DDX39A: variants seen among roughly 807,000 people sequenced by gnomAD.
DDX39A encodes ATP-dependent RNA helicase DDX39A.
DDX39A carries 13 observed loss-of-function variants against 46.3 expected under a neutral mutation model. That is an observed-to-expected ratio of 0.28 (90% CI 0.18 to 0.45). The LOEUF is 0.45. Ranked by LOEUF, DDX39A falls within the 20% of genes least tolerant of loss-of-function variation. DDX39A has a pLI of 1.00. For synonymous variants in DDX39A, 234 were observed against 224.6 expected (o/e 1.04, Z -0.38); for missense variants, 352 against 581.8 (o/e 0.61, Z 4.06).
chr19:14,414,531 C>G (rs935879568), intron 1 of DDX39A, among the ~76,000 whole-genome samples: 1 of 149,386 alleles, frequency 6.7e-6, no homozygotes, highest in Non-Finnish European at 1.5e-5. Flanking sequence ...TTGTAGTTTT[C>G]GTAGAGACAG....
In DDX39A at chr19:14,410,518, C is replaced by T; in HGVS notation, c.614-184G>A. On this transcript the variant is annotated intron_variant, in intron 5 of 10. Coordinates refer to ENST00000242776, the MANE Select transcript of DDX39A (RefSeq NM_005804.4). This position sits in a 1 kb window ranked among gnomAD's most constrained non-coding sequence, Gnocchi z 4.3. ...GGGGCTGGGGGGTGGCCAGCGAGCG[C>T]AGGCGCGGGAGGAGCTGCAATCCAC... 1.6e-6 allele frequency: 1 copy of T among 616,480 alleles called. No individual in the cohort carries two copies. The highest frequency in any genetic ancestry group is 2.9e-6 in the Non-Finnish European group (1 of 343,634). The allele number at this position is 616,480 out of a possible 1,614,324, so 38.2% of individuals were successfully genotyped here.
In DDX39A at chr19:14,408,802, T is replaced by C; in HGVS notation, c.*134A>G. The C allele has an allele frequency of 7.5e-7, 1 of 1,331,250 alleles. No individual in the cohort carries two copies. Among genetic ancestry groups the C allele is most frequent in the Non-Finnish European group, 1.0e-6 (1 of 1,000,652 alleles). The allele number at this position is 1,331,250 out of a possible 1,614,324, so 82.5% of individuals were successfully genotyped here. A position where few individuals can be genotyped will look rare whatever the true frequency, so the allele number is the denominator to read the frequency against. On this transcript the variant is annotated 3_prime_UTR_variant, in exon 11 of 11. Transcript: ENST00000242776. ...AAGGCCAAGATGACCAAGAAATAGATGGGGTGGGAGCCAGGCTTCCATAAT... is the reference window on the plus strand; with the variant it reads ...AAGGCCAAGATGACCAAGAAATAGACGGGGTGGGAGCCAGGCTTCCATAAT...
rs148589157 is a variant in DDX39A, at chr19:14,409,053, G to T, written c.1251C>A (p.Ile417=). Residue 417 remains isoleucine, a synonymous_variant, in exon 10 of 11, where the codon ATC becomes ATA. Transcript: ENST00000242776. The surrounding 1 kb of genome is among the most constrained non-coding windows in gnomAD (Gnocchi z 8.3). ...GGCACTTACTGTATGTGGAGATGTC[G>T]ATTTCCTCTGGAAGTTCTGCCACAT... The part of the protein sequence containing the change: ...EVNVAELPEE[I]DISTYIEQSR 12 of 1,614,070 alleles carry T rather than the reference G, an allele frequency of 7.4e-6. No individual in the cohort carries two copies. Among genetic ancestry groups the T allele is most frequent in the Non-Finnish European group, 9.3e-6 (11 of 1,180,056 alleles).
Position 14,410,513 on chromosome 19 carries a change from G to A in DDX39A, c.614-179C>T, listed in dbSNP as rs1461420165. 6 of 622,510 alleles carry A rather than the reference G, an allele frequency of 9.6e-6. No homozygotes were observed. The highest frequency in any genetic ancestry group is 5.6e-5 in the East Asian group (2 of 35,934). The allele number at this position is 622,510 out of a possible 1,614,324, so 38.6% of individuals were successfully genotyped here. A position where few individuals can be genotyped will look rare whatever the true frequency, so the allele number is the denominator to read the frequency against. On this transcript the variant is annotated intron_variant, in intron 5 of 10. Coordinates refer to ENST00000242776, the MANE Select transcript of DDX39A (RefSeq NM_005804.4). This position sits in a 1 kb window ranked among gnomAD's most constrained non-coding sequence, Gnocchi z 4.3. ...CCTGAGGGGCTGGGGGGTGGCCAGC[G>A]AGCGCAGGCGCGGGAGGAGCTGCAA...
chr19:14,417,399 T>C (rs1473769111), intron 1 of DDX39A, among the ~76,000 whole-genome samples: 1 of 148,326 alleles, frequency 6.7e-6, no homozygotes, highest in Non-Finnish European at 1.5e-5. Context: ...CGTGGGAGGA[T>C]GGCTTGAGCC....
At position 14,412,782 on chromosome 19, in the gene DDX39A, C is replaced by G; in HGVS notation, c.209-104G>C. The stretch of plus-strand genomic sequence containing the variant: ...CACAGTGAGGGCAATCAGAAGAGGC[C>G]GAGTCCGGACAAGGCCACAGACACC... On this transcript the variant is annotated intron_variant, in intron 2 of 10. Transcript: ENST00000242776. The surrounding 1 kb of genome is among the most constrained non-coding windows in gnomAD (Gnocchi z 4.4). 1.4e-6 allele frequency: 2 copies of G among 1,471,114 alleles called. No individual in the cohort carries two copies. The highest frequency in any genetic ancestry group is 1.8e-6 in the Non-Finnish European group (2 of 1,096,236). 91.1% of individuals were successfully genotyped at this position (1,471,114 alleles called of 1,614,324 possible).
chr19:14,418,872 C>T, intron 1 of DDX39A: 1 of 455,972 alleles, frequency 2.2e-6, no homozygotes, highest in Non-Finnish European at 4.4e-6. Flanking sequence ...CCCAAAGAAA[C>T]CCCTGACAAC....
chr19:14,409,502 C>A lies in DDX39A; in HGVS notation c.974+34G>T. On this transcript the variant is annotated intron_variant, in intron 8 of 10. Transcript: ENST00000242776. This position sits in a 1 kb window ranked among gnomAD's most constrained non-coding sequence, Gnocchi z 8.3. The stretch of plus-strand genomic sequence containing the variant: ...GTCAGACACTGGGCTCCTGGTGGTG[C>A]TCCCTGCAGCCTTGGCGGGCGGCTC... The A allele has an allele frequency of 4.3e-6, 7 of 1,610,780 alleles. No individual in the cohort carries two copies. The highest frequency in any genetic ancestry group is 5.9e-6 in the Non-Finnish European group (7 of 1,178,956).
Position 14,411,226 on chromosome 19 carries a change from A to C in DDX39A, c.430-54T>G. The stretch of plus-strand genomic sequence containing the variant: ...TGCTGATACACGGCCCAAGGCCCCA[A>C]CCTGCACGGCCCAGCACCTGCGAAC... On this transcript the variant is annotated intron_variant, in intron 4 of 10. Coordinates refer to ENST00000242776, the MANE Select transcript of DDX39A (RefSeq NM_005804.4). The surrounding 1 kb of genome is among the most constrained non-coding windows in gnomAD (Gnocchi z 4.1). The C allele has an allele frequency of 6.6e-7, 1 of 1,523,262 alleles. No homozygotes were observed. The allele number at this position is 1,523,262 out of a possible 1,614,324, so 94.4% of individuals were successfully genotyped here. A position where few individuals can be genotyped will look rare whatever the true frequency, so the allele number is the denominator to read the frequency against.
chr19:14,419,344 G>A (rs752714087), upstream of DDX39A: 1 of 221,868 alleles, frequency 4.5e-6, no homozygotes, highest in African/African-American at 2.4e-5. Context: ...GCTCAGACAC[G>A]AGTTGCTGCG....
Position 14,412,528 on chromosome 19 carries a change from C to A in DDX39A, c.336+23G>T. ...TCCGCCGCCACAGGCAGGGTGGGGC[C>A]AGGAAGGGAGGAGCCCACCCACCTG... On this transcript the variant is annotated intron_variant, in intron 3 of 10. Coordinates refer to ENST00000242776, the MANE Select transcript of DDX39A (RefSeq NM_005804.4). The surrounding 1 kb of genome is among the most constrained non-coding windows in gnomAD (Gnocchi z 4.4). The A allele has an allele frequency of 6.2e-7, 1 of 1,600,190 alleles. No individual in the cohort carries two copies.
Position 14,413,234 on chromosome 19 carries a change from G to A in DDX39A, c.-4-10C>T, listed in dbSNP as rs759113461. The A allele has an allele frequency of 5.6e-6, 9 of 1,611,722 alleles. No homozygotes were observed. The highest frequency in any genetic ancestry group is 5.9e-6 in the Non-Finnish European group (7 of 1,178,768). On this transcript the variant is annotated splice_polypyrimidine_tract_variant and intron_variant, in intron 1 of 10. Coordinates refer to ENST00000242776, the MANE Select transcript of DDX39A (RefSeq NM_005804.4). Reference sequence around the variant, plus strand: ...CTGTTCTGCCATGATGCTGAGAAGAGAGAGAGGCAGGGTCCCGCGAGTGGG... The same window carrying A: ...CTGTTCTGCCATGATGCTGAGAAGAAAGAGAGGCAGGGTCCCGCGAGTGGG...
chr19:14,408,900 G>A lies in DDX39A; in HGVS notation c.*36C>T, dbSNP rs375322648. 7.7e-6 allele frequency: 12 copies of A among 1,558,170 alleles called. No homozygotes were observed. Among genetic ancestry groups the A allele is most frequent in the Middle Eastern group, 1.7e-4 (1 of 5,766 alleles). On this transcript the variant is annotated 3_prime_UTR_variant, in exon 11 of 11. Transcript: ENST00000242776. Reference sequence around the variant, plus strand: ...GGAAAGGGGAGGTGAAGCTGCATGCGGGCGGCTCCGGGTGGGCGGCTCTGG... The same window carrying A: ...GGAAAGGGGAGGTGAAGCTGCATGCAGGCGGCTCCGGGTGGGCGGCTCTGG...
rs201814456 is a variant in DDX39A at position 14,409,339 on chromosome 19, G to A, written c.1083C>T (p.Tyr361=). 25 of 1,614,202 alleles carry A rather than the reference G, an allele frequency of 1.5e-5. No individual in the cohort carries two copies. Among genetic ancestry groups the A allele is most frequent in the Admixed American group, 1.2e-4 (7 of 60,018 alleles). ...DIERVNIVFN[Y]DMPEDSDTYL... is the part of the protein sequence containing the mutation. ...AGGTGTCCGAGTCCTCAGGCATGTC[G>A]TAGTTAAAGACGATGTTGACTCGCT... Residue 361 remains tyrosine, a synonymous_variant, in exon 9 of 11, where the codon TAC becomes TAT. Coordinates refer to ENST00000242776, the MANE Select transcript of DDX39A (RefSeq NM_005804.4). The surrounding 1 kb of genome is among the most constrained non-coding windows in gnomAD (Gnocchi z 8.3).
chr19:14,410,874 C>T lies in DDX39A; in HGVS notation c.613+115G>A. 1 of 990,272 alleles carries T rather than the reference C, an allele frequency of 1.0e-6. No homozygotes were observed. The highest frequency in any genetic ancestry group is 2.7e-5 in the East Asian group (1 of 36,448). The allele number at this position is 990,272 out of a possible 1,614,324, so 61.3% of individuals were successfully genotyped here. A position where few individuals can be genotyped will look rare whatever the true frequency, so the allele number is the denominator to read the frequency against. On this transcript the variant is annotated intron_variant, in intron 5 of 10. Transcript: ENST00000242776. The surrounding 1 kb of genome is among the most constrained non-coding windows in gnomAD (Gnocchi z 4.3). ...AGCAGCAGAGCTTTCCCCAAGATCA[C>T]CACAGGAGCCCCGCCTGCCGGCCGC...
At chr19:14,416,414 ACAG>A (rs773447600) in intron 1 of DDX39A, 1 of 152,248 alleles carries the variant, frequency 6.6e-6, no homozygotes, top group Non-Finnish European at 1.5e-5. Flanking sequence ...CCCTGTGAGA[ACAG>A]CTAATAAGCA....
rs1250652963 is a variant in DDX39A, at chr19:14,412,188, T to C, written c.336+363A>G. 6.6e-6 allele frequency among the ~76,000 whole-genome samples: 1 copy of C among 152,214 alleles called. No individual in the cohort carries two copies. The highest frequency in any genetic ancestry group is 2.4e-5 in the African/African-American group (1 of 41,466). On this transcript the variant is annotated intron_variant, in intron 3 of 10. Transcript: ENST00000242776. The surrounding 1 kb of genome is among the most constrained non-coding windows in gnomAD (Gnocchi z 4.4). ...ACAGCAAGGACAGTGGTGACAGCTA[T>C]ATTCGGGGCAACCCAACCTTCACAG...
intron 1 of DDX39A, among the ~76,000 whole-genome samples, chr19:14,417,343 C>T (rs752834628): frequency 6.6e-6 from 1 of 151,970 alleles, no homozygotes; most frequent in Non-Finnish European, 1.5e-5. Context: ...GGGGCAGGCC[C>T]GGCATGGTGC....
intron 1 of DDX39A, among the ~76,000 whole-genome samples, chr19:14,413,664 C>T (rs1048043634): frequency 3.9e-5 from 6 of 152,250 alleles, no homozygotes; most frequent in East Asian, 1.9e-4. Context: ...CTTCTCCACA[C>T]GCAAGCCTCA....
Sources: gnomAD v4.1 joint callset for allele counts (sites outside exome capture counted in the v4.1 genomes callset) on GRCh38, gnomAD v4.1.1 for gene constraint, Gnocchi (gnomAD v3.1) non-coding constraint, MANE v1.5 for transcripts, NCBI Gene and HGNC (gene_info 2026-07-23, HGNC 2026-07-21) for gene names.